Variants in MITF observed in about 807,000 individuals in gnomAD.
MITF encodes microphthalmia-associated transcription factor.
In MITF, 17 loss-of-function variants were observed where a neutral mutation model predicts 60.5. That is an observed-to-expected ratio of 0.28 (90% CI 0.19 to 0.42). MITF has a LOEUF of 0.42. Among genes scored for constraint, MITF ranks in the 10% least tolerant of loss-of-function variants. The pLI, the probability that MITF is intolerant of heterozygous loss-of-function variation, is 1.00. For synonymous variants in MITF, 260 were observed against 248.5 expected, an observed-to-expected ratio of 1.05 and a Z score of -0.43; for missense variants, 622 against 683.5, an observed-to-expected ratio of 0.91 and a Z score of 1.00.
chr3:69,826,068 T>C (rs2063349673), intron 1 of MITF, among the ~76,000 whole-genome samples: 3 of 152,164 alleles, frequency 2.0e-5, no homozygotes. Context: ...GTGGAATACA[T>C]AGAGAGGAGA....
At chr3:69,742,258 A>G (rs1703552547) in intron 1 of MITF, among the ~76,000 whole-genome samples, 2 of 152,168 alleles carry the variant, frequency 1.3e-5, no homozygotes, top group African/African-American at 2.4e-5. Context: ...TTACAGTGGA[A>G]GGGATCATTA....
chr3:69,958,054 C>CA (rs1371962748), intron 8 of MITF, among the ~76,000 whole-genome samples: 7 of 150,862 alleles, frequency 4.6e-5, no homozygotes, highest in South Asian at 4.2e-4. Flanking sequence ...TATTACCAAA[C>CA]AAAAAAAAAG....
Position 69,897,484 on chromosome 3 carries a change from G to A in MITF, c.354+18101G>A, listed in dbSNP as rs1223736687. 2.0e-5 allele frequency among the ~76,000 whole-genome samples: 3 copies of A among 152,158 alleles called. 1 individual carries two copies. In the East Asian group the frequency reaches 5.8e-4, roughly 29 times the overall value. On this transcript the variant is annotated intron_variant, in intron 2 of 9. Coordinates refer to ENST00000352241, the MANE Select transcript of MITF (RefSeq NM_001354604.2). ...TTGGGAGTTGACAAACAATGTCCATGGGCCAAATCCTGCTACCATCTTTTT... is the reference window on the plus strand; with the variant it reads ...TTGGGAGTTGACAAACAATGTCCATAGGCCAAATCCTGCTACCATCTTTTT...
At chr3:69,956,428 A>G (rs777218979) in intron 7 of MITF, 27 bp from the exon 8 acceptor site, 2 of 1,583,960 alleles carry the variant, frequency 1.3e-6, no homozygotes, top group African/African-American at 2.7e-5. Context: ...TGTTACTAAT[A>G]GCCTTTCCTG....
At chr3:69,789,928 T>A (rs1172233714) in intron 1 of MITF, among the ~76,000 whole-genome samples, 1 of 152,098 alleles carries the variant, frequency 6.6e-6, no homozygotes, top group African/African-American at 2.4e-5. Context: ...TATATATATA[T>A]ATCCAAAAGA....
chr3:69,808,388 A>G (rs946475771), intron 1 of MITF, among the ~76,000 whole-genome samples: 10 of 152,178 alleles, frequency 6.6e-5, no homozygotes, highest in Admixed American at 5.9e-4. Context: ...ATGAATGGTC[A>G]CTGTAATTAA....
At position 69,965,001 on chromosome 3, in the gene MITF, C is replaced by G; in HGVS notation, c.1334C>G (p.Thr445Arg). 1 of 1,614,104 alleles carries G rather than the reference C, an allele frequency of 6.2e-7. No homozygotes were observed. The highest frequency in any genetic ancestry group is 1.1e-5 in the South Asian group (1 of 91,078). Residue 445 changes from threonine (T) to arginine (R), a missense_variant, in exon 10 of 10, where the codon ACA (threonine) becomes AGA (arginine). Physicochemically the swap from Thr to Arg is moderately conservative, Grantham distance 71 (BLOSUM62 -1). This residue lies in a region of MITF where 224 missense variants were observed against 209.5 expected (regional missense o/e 1.07). Transcript: ENST00000352241. ...LLQHHADLTC[T>R]TTLDLTDGTI... is the part of the protein sequence containing the mutation. ...CAGCATCATGCAGACCTAACCTGTA[C>G]AACAACTCTCGATCTCACGGATGGC... is the stretch of plus-strand genomic sequence containing the variant.
intron 1 of MITF, among the ~76,000 whole-genome samples, chr3:69,828,405 C>A (rs1246828501): frequency 6.6e-6 from 1 of 151,966 alleles, no homozygotes; most frequent in Admixed American, 6.6e-5. Context: ...GATATCTAAT[C>A]AATTTTTTAT....
intron 2 of MITF, among the ~76,000 whole-genome samples, chr3:69,889,201 T>C (rs1489436945): frequency 6.6e-6 from 1 of 151,916 alleles, no homozygotes; most frequent in African/African-American, 2.4e-5. Context: ...AGATTCCCAT[T>C]AATGCTAACT....
intron 2 of MITF, chr3:69,936,947 C>CTTTTTTTTTTTT (rs79472179): frequency 3.8e-6 from 1 of 260,202 alleles, no homozygotes; most frequent in Non-Finnish European, 6.9e-6. Flanking sequence ...TAGTAGGATT[C>CTTTTTTTTTTTT]TTTTTTTTTT....
chr3:69,834,186 T>G (rs184108369), intron 1 of MITF, among the ~76,000 whole-genome samples: 1 of 152,336 alleles, frequency 6.6e-6, no homozygotes, highest in East Asian at 1.9e-4. Context: ...ACCTCTTTTC[T>G]AGCTGTTTTG....
At chr3:69,794,974 G>A (rs1390168875) in intron 1 of MITF, among the ~76,000 whole-genome samples, 1 of 152,202 alleles carries the variant, frequency 6.6e-6, no homozygotes, top group Non-Finnish European at 1.5e-5. Flanking sequence ...AGTAGGCTCT[G>A]TATGAATAAT....
intron 1 of MITF, among the ~76,000 whole-genome samples, chr3:69,855,655 C>G (rs772939113): frequency 4.4e-4 from 67 of 151,780 alleles, no homozygotes; most frequent in Non-Finnish European, 8.1e-4. Context: ...ATAGCTAATA[C>G]TGGGGGAAAA....
intron 1 of MITF, among the ~76,000 whole-genome samples, chr3:69,871,084 C>T (rs1406070062): frequency 1.3e-5 from 2 of 152,134 alleles, no homozygotes; most frequent in African/African-American, 2.4e-5. Context: ...TACAGGTGCT[C>T]AATGTCATAT....
intron 2 of MITF, among the ~76,000 whole-genome samples, chr3:69,931,647 A>G (rs575096980): frequency 1.3e-5 from 2 of 152,252 alleles, no homozygotes; most frequent in South Asian, 2.1e-4. Flanking sequence ...GAAGCCTACA[A>G]TGTAATAAGA....
At chr3:69,950,720 T>A (rs182739238) in intron 6 of MITF, among the ~76,000 whole-genome samples, 24 of 151,938 alleles carry the variant, frequency 1.6e-4, no homozygotes, top group Non-Finnish European at 1.5e-5. Flanking sequence ...GGTAGTGTAA[T>A]GCTTCAGCTA....
intron 2 of MITF, among the ~76,000 whole-genome samples, chr3:69,885,066 T>C (rs893194670): frequency 2.2e-4 from 33 of 152,068 alleles, no homozygotes; most frequent in African/African-American, 7.7e-4. Context: ...TACAGCACAA[T>C]CTGGGTTTTG....
At chr3:69,806,154 G>A (rs559155130) in intron 1 of MITF, among the ~76,000 whole-genome samples, 25 of 150,894 alleles carry the variant, frequency 1.7e-4, no homozygotes, top group Non-Finnish European at 3.1e-4. Flanking sequence ...GCATGATCTC[G>A]GCTCACTGCA....
chr3:69,907,301 G>A (rs1575933017), intron 2 of MITF, among the ~76,000 whole-genome samples: 1 of 152,156 alleles, frequency 6.6e-6, no homozygotes, highest in Non-Finnish European at 1.5e-5. Flanking sequence ...AGTCATGTGG[G>A]TTTTAGAGAT....
Sources: gnomAD v4.1 joint callset for allele counts (sites outside exome capture counted in the v4.1 genomes callset) on GRCh38, gnomAD v4.1.1 for gene constraint, gnomAD v4.1.1 regional missense constraint, MANE v1.5 for transcripts, NCBI Gene and HGNC (gene_info 2026-07-23, HGNC 2026-07-21) for gene names.